The following PDE3A variants were observed in gnomAD, a reference collection of about 807,000 sequenced individuals.
PDE3A encodes the protein phosphodiesterase 3A.
Under a neutral mutation model 98.3 loss-of-function variants are expected in PDE3A, and 43 were observed. The observed-to-expected ratio is 0.44, with a 90% CI of 0.34 to 0.56. PDE3A has a LOEUF of 0.56. PDE3A is among the 20% of genes least tolerant of loss of function. The pLI, the probability that PDE3A is intolerant of heterozygous loss-of-function variation, is 0.01. For missense variants in PDE3A, 1,427 were observed against 1,440.7 expected, an observed-to-expected ratio of 0.99 and a Z score of 0.15; for synonymous variants, 663 against 567.9, an observed-to-expected ratio of 1.17 and a Z score of -2.38.
At chr12:20,557,591 T>C (rs987152610) in intron 2 of PDE3A, among the ~76,000 whole-genome samples, 3 of 152,202 alleles carry the variant, frequency 2.0e-5, no homozygotes, top group African/African-American at 7.2e-5. Flanking sequence ...CATTGGAAAG[T>C]GGGGGCTTCT....
intron 1 of PDE3A, among the ~76,000 whole-genome samples, chr12:20,402,579 T>C (rs1329195138): frequency 1.3e-5 from 2 of 152,144 alleles, no homozygotes; most frequent in Admixed American, 6.5e-5. Flanking sequence ...GGAATTTTTG[T>C]TTTTAAGTGT....
In PDE3A at chr12:20,493,236, C is replaced by A. The variant is rs1037519688; in HGVS notation, c.961-63424C>A. On this transcript the variant is annotated intron_variant, in intron 1 of 15. Transcript: ENST00000359062. ...TTTACTTAGCAGTGTATCTTGATCA[C>A]CTCCTTCTCTGTCTGTATATGTACA... is the stretch of plus-strand genomic sequence containing the variant. Among the ~76,000 whole-genome samples, 4 of 152,194 alleles carry A rather than the reference C, an allele frequency of 2.6e-5. No individual in the cohort carries two copies. The East Asian group carries it at 7.7e-4, about 29-fold the overall frequency.
intron 3 of PDE3A, 125 bp from the exon 4 acceptor site, chr12:20,616,104 GT>G: frequency 1.3e-5 from 9 of 690,060 alleles, no homozygotes; most frequent in Non-Finnish European, 2.0e-5. Flanking sequence ...AGATAGATAG[GT>G]GATATTAAAC....
At chr12:20,489,095 A>G (rs190608670) in intron 1 of PDE3A, among the ~76,000 whole-genome samples, 3 of 152,290 alleles carry the variant, frequency 2.0e-5, no homozygotes, top group Admixed American at 2.0e-4. Flanking sequence ...TCAGTAACAC[A>G]CTCTGAATCT....
At chr12:20,507,147 A>G (rs1416209901) in intron 1 of PDE3A, among the ~76,000 whole-genome samples, 1 of 151,960 alleles carries the variant, frequency 6.6e-6, no homozygotes, top group Non-Finnish European at 1.5e-5. Context: ...CAGAAGCCAG[A>G]ATGTAAGCTA....
chr12:20,605,383 A>T (rs1943686287), intron 2 of PDE3A, among the ~76,000 whole-genome samples: 1 of 152,254 alleles, frequency 6.6e-6, no homozygotes, highest in East Asian at 1.9e-4. Flanking sequence ...CTTGTGAAAG[A>T]TTAGCAATTA....
rs1166708614 is a variant in PDE3A at position 20,684,068 on chromosome 12, T to G, written c.*3797T>G. ...CTAAGTAATAAAAGTATAAAAATTA[T>G]CATTATAAATAAAGTCTAAAGTTTG... is the stretch of plus-strand genomic sequence containing the variant. On this transcript the variant is annotated 3_prime_UTR_variant, in exon 16 of 16. Coordinates refer to ENST00000359062, the MANE Select transcript of PDE3A (RefSeq NM_000921.5). The G allele has an allele frequency of 1.3e-5, 2 of 152,100 alleles. No individual in the cohort carries two copies. Among genetic ancestry groups the G allele is most frequent in the Non-Finnish European group, 2.9e-5 (2 of 67,974 alleles). The allele number at this position is 152,100 out of a possible 1,614,324, so 9.4% of individuals were successfully genotyped here. A position where few individuals can be genotyped will look rare whatever the true frequency, so the allele number is the denominator to read the frequency against.
chr12:20,384,499 T>C (rs535772272), intron 1 of PDE3A, among the ~76,000 whole-genome samples: 4 of 152,112 alleles, frequency 2.6e-5, no homozygotes, highest in Admixed American at 2.6e-4. Context: ...TTGCAGCTGA[T>C]ACTCTACCTA....
At chr12:20,610,219 T>C in intron 2 of PDE3A, among the ~76,000 whole-genome samples, 1 of 151,884 alleles carries the variant, frequency 6.6e-6, no homozygotes. Flanking sequence ...ATAACCTGAT[T>C]AAAAAGTGGG....
rs151250023 is a variant in PDE3A at position 20,657,547 on chromosome 12, T to C, written c.3184+3342T>C. Reference sequence around the variant, plus strand: ...TTTTATCCCACCTTATAATTAAATCTGAAAGATTCCTACAGTGAACTAAGA... The same window carrying C: ...TTTTATCCCACCTTATAATTAAATCCGAAAGATTCCTACAGTGAACTAAGA... On this transcript the variant is annotated intron_variant, in intron 15 of 15. Transcript: ENST00000359062. Among the ~76,000 whole-genome samples, 188 of 152,350 alleles carry C rather than the reference T, an allele frequency of 1.2e-3. 1 individual carries two copies. Among genetic ancestry groups the C allele is most frequent in the African/African-American group, 4.3e-3 (180 of 41,592 alleles).
At chr12:20,469,418 T>C (rs914792126) in intron 1 of PDE3A, among the ~76,000 whole-genome samples, 3 of 152,170 alleles carry the variant, frequency 2.0e-5, no homozygotes, top group Non-Finnish European at 4.4e-5. Context: ...ATCTAGTCAT[T>C]CTCCACTCAG....
rs1486143300 is a variant in PDE3A at position 20,552,294 on chromosome 12, C to T, written c.961-4366C>T. ...ACGCCCCCGCTGAGGGCAACCGCTA[C>T]GATGGCATCTACAAGGTTGTGAAAT... On this transcript the variant is annotated intron_variant, in intron 1 of 15. Transcript: ENST00000359062. This position sits in a 1 kb window ranked among gnomAD's most constrained non-coding sequence, Gnocchi z 5.1. 44 of 1,613,740 alleles carry T rather than the reference C, an allele frequency of 2.7e-5. 1 individual carries two copies. Among genetic ancestry groups the T allele is most frequent in the Middle Eastern group, 3.3e-4 (2 of 6,084 alleles).
intron 1 of PDE3A, among the ~76,000 whole-genome samples, chr12:20,530,874 TCTGA>T (rs1427990053): frequency 3.3e-5 from 5 of 152,166 alleles, no homozygotes; most frequent in Admixed American, 2.6e-4. Flanking sequence ...CAGTGTAAGT[TCTGA>T]CTGTTTAATT....
At chr12:20,597,014 A>G (rs2121395576) in intron 2 of PDE3A, among the ~76,000 whole-genome samples, 1 of 152,282 alleles carries the variant, frequency 6.6e-6, no homozygotes, top group South Asian at 2.1e-4. Flanking sequence ...CTGGGTTGGA[A>G]TGTCATCTCT....
chr12:20,663,375 A>C lies in PDE3A; in HGVS notation c.3184+9170A>C, dbSNP rs181915181. Among the ~76,000 whole-genome samples, 125 of 152,206 alleles carry C rather than the reference A, an allele frequency of 8.2e-4. No individual in the cohort carries two copies. The East Asian group carries it at 0.018, about 22-fold the overall frequency. ...TGTCCTCCAGACCCCGGAATGGTAG[A>C]TCCACCAACAGCTTGCACTGTGCAC... On this transcript the variant is annotated intron_variant, in intron 15 of 15. Coordinates refer to ENST00000359062, the MANE Select transcript of PDE3A (RefSeq NM_000921.5).
Position 20,637,218 on chromosome 12 carries a change from G to C in PDE3A, c.2120G>C (p.Cys707Ser), listed in dbSNP as rs771237504. 3.1e-6 allele frequency: 5 copies of C among 1,608,106 alleles called. No individual in the cohort carries two copies. The Admixed American group carries it at 8.4e-5, about 27-fold the overall frequency. The change falls in exon 9 of 16, where the codon TGT (cysteine) becomes TCT (serine). Residue 707 changes from cysteine to serine, a missense_variant. Physicochemically the swap from Cys to Ser is moderately radical, Grantham distance 112 (BLOSUM62 -1). Transcript: ENST00000359062. ...TTAGTGGAAAATATAGGAAGAAAATGTGGCCGTATTCTTAGTCAGGTAAGA... is the reference window on the plus strand; with the variant it reads ...TTAGTGGAAAATATAGGAAGAAAATCTGGCCGTATTCTTAGTCAGGTAAGA... ...FDLVENIGRK[C>S]GRILSQVSYR...
intron 1 of PDE3A, among the ~76,000 whole-genome samples, chr12:20,512,917 G>A (rs965250907): frequency 8.6e-5 from 13 of 152,008 alleles, no homozygotes; most frequent in East Asian, 1.9e-4. Context: ...CAATAATGCC[G>A]TATTATTCAT....
At chr12:20,636,687 C>A (rs1944522171) in intron 8 of PDE3A, among the ~76,000 whole-genome samples, 1 of 151,882 alleles carries the variant, frequency 6.6e-6, no homozygotes, top group African/African-American at 2.4e-5. Context: ...AAGGAGGGAA[C>A]CCTCATCTCA....
At chr12:20,385,530 G>C (rs1943740029) in intron 1 of PDE3A, among the ~76,000 whole-genome samples, 1 of 151,962 alleles carries the variant, frequency 6.6e-6, no homozygotes, top group African/African-American at 2.4e-5. Context: ...CAAAGACTTG[G>C]AACCAAGCCA....
Sources: allele counts gnomAD v4.1 joint callset (sites outside exome capture counted in the v4.1 genomes callset), GRCh38; gene constraint gnomAD v4.1.1; non-coding constraint Gnocchi (gnomAD v3.1); transcripts MANE v1.5; gene names NCBI Gene and HGNC (gene_info 2026-07-23, HGNC 2026-07-21).